SLIT2: variants seen among roughly 807,000 people sequenced by gnomAD.
SLIT2 encodes slit guidance ligand 2, also known as slit homolog 2 protein.
A neutral mutation model predicts 185.7 loss-of-function variants in SLIT2; 41 were observed. That is an observed-to-expected ratio of 0.22 (90% confidence interval 0.17 to 0.29). The LOEUF is 0.29. Among genes scored for constraint, SLIT2 ranks in the 10% least tolerant of loss-of-function variants. The pLI is 1.00. For missense variants in SLIT2, 1,571 were observed against 1,909.0 expected, an observed-to-expected ratio of 0.82 and a Z score of 3.30; for synonymous variants, 693 against 680.2, an observed-to-expected ratio of 1.02 and a Z score of -0.29.
At chr4:20,312,295 A>G (rs1718180266) in intron 4 of SLIT2, among the ~76,000 whole-genome samples, 1 of 152,206 alleles carries the variant, frequency 6.6e-6, no homozygotes, top group South Asian at 2.1e-4. Context: ...GTGTGAGATA[A>G]TTATAATCAA....
intron 29 of SLIT2, among the ~76,000 whole-genome samples, chr4:20,583,986 G>T (rs963679976): frequency 6.6e-6 from 1 of 151,960 alleles, no homozygotes; most frequent in Non-Finnish European, 1.5e-5. Context: ...ACCACAGGGG[G>T]CTCTGAACAT....
At chr4:20,414,733 A>G (rs1005632505) in intron 4 of SLIT2, among the ~76,000 whole-genome samples, 2 of 152,120 alleles carry the variant, frequency 1.3e-5, no homozygotes, top group South Asian at 4.1e-4. Flanking sequence ...TGAGAAGTAA[A>G]CTATTAATAT....
At chr4:20,465,365 G>A (rs1441631347) in intron 4 of SLIT2, among the ~76,000 whole-genome samples, 1 of 152,094 alleles carries the variant, frequency 6.6e-6, no homozygotes, top group Non-Finnish European at 1.5e-5. Flanking sequence ...TTTAAGTAAG[G>A]GAATAATTTC....
At chr4:20,294,396 G>A (rs886566833) in intron 4 of SLIT2, among the ~76,000 whole-genome samples, 1 of 151,856 alleles carries the variant, frequency 6.6e-6, no homozygotes. Flanking sequence ...GTTGTGCTGG[G>A]CACTATATAA....
rs1048927009 is a variant in SLIT2 at position 20,528,287 on chromosome 4, C to T, written c.1463-662C>T. On this transcript the variant is annotated intron_variant, in intron 15 of 36. Coordinates refer to ENST00000504154, the MANE Select transcript of SLIT2 (RefSeq NM_004787.4). This position sits in a 1 kb window ranked among gnomAD's most constrained non-coding sequence, Gnocchi z 4.2. The stretch of plus-strand genomic sequence containing the variant: ...AGTGGTTGGTGTAGTGATAATGTAG[C>T]GAGATTTTCTGTTGTGCTTGATCTA... 1 of 534,576 alleles carries T rather than the reference C, an allele frequency of 1.9e-6. No individual in the cohort carries two copies. Among genetic ancestry groups the T allele is most frequent in the Non-Finnish European group, 3.8e-6 (1 of 260,054 alleles). 33.1% of individuals were successfully genotyped at this position (534,576 alleles called of 1,614,324 possible).
At chr4:20,333,794 T>G (rs1720263893) in intron 4 of SLIT2, among the ~76,000 whole-genome samples, 1 of 152,196 alleles carries the variant, frequency 6.6e-6, no homozygotes, top group Admixed American at 6.5e-5. Flanking sequence ...TGTATTGCTT[T>G]TATTTCATGT....
intron 4 of SLIT2, among the ~76,000 whole-genome samples, chr4:20,448,295 A>G (rs1712047830): frequency 6.6e-6 from 1 of 151,944 alleles, no homozygotes; most frequent in African/African-American, 2.4e-5. Flanking sequence ...TAATATTATT[A>G]TTATTTATGA....
chr4:20,269,534 G>A (rs573993344), intron 4 of SLIT2, among the ~76,000 whole-genome samples: 2 of 151,994 alleles, frequency 1.3e-5, no homozygotes, highest in Admixed American at 6.6e-5. Context: ...GACCTAATGT[G>A]TAATAGTGAA....
intron 4 of SLIT2, among the ~76,000 whole-genome samples, chr4:20,310,196 A>G (rs912649086): frequency 5.9e-5 from 9 of 152,092 alleles, no homozygotes; most frequent in Non-Finnish European, 2.9e-5. Flanking sequence ...CTCATTGTAC[A>G]CATGCTTTCT....
intron 9 of SLIT2, among the ~76,000 whole-genome samples, chr4:20,504,992 A>G (rs948216567): frequency 1.3e-5 from 2 of 152,134 alleles, no homozygotes; most frequent in Non-Finnish European, 2.9e-5. Context: ...GGTTTCAGAC[A>G]TTCAGGGGGT....
At chr4:20,343,300 A>G (rs1056580799) in intron 4 of SLIT2, among the ~76,000 whole-genome samples, 2 of 152,138 alleles carry the variant, frequency 1.3e-5, no homozygotes, top group Non-Finnish European at 2.9e-5. Flanking sequence ...TAGCTCCCAC[A>G]TATAAATGAG....
chr4:20,364,002 G>A (rs571258870), intron 4 of SLIT2, among the ~76,000 whole-genome samples: 1 of 152,170 alleles, frequency 6.6e-6, no homozygotes, highest in South Asian at 2.1e-4. Flanking sequence ...AATAGGAAAA[G>A]TTATTTTCTT....
At chr4:20,378,786 C>A (rs781604069) in intron 4 of SLIT2, among the ~76,000 whole-genome samples, 3 of 152,104 alleles carry the variant, frequency 2.0e-5, no homozygotes, top group African/African-American at 4.8e-5. Flanking sequence ...CACCTGCATA[C>A]ATATATTTAA....
chr4:20,417,772 C>G lies in SLIT2; in HGVS notation c.396-49980C>G, dbSNP rs145591483. 9.2e-3 allele frequency among the ~76,000 whole-genome samples: 1,394 copies of G among 151,992 alleles called. 14 individuals carry two copies. Among genetic ancestry groups the G allele is most frequent in the Non-Finnish European group, 0.015 (1,026 of 67,964 alleles). On this transcript the variant is annotated intron_variant, in intron 4 of 36. Transcript: ENST00000504154. ...TGAGCTTGTGATCCGCCCGCCTCAGCCTCCCAAAGTGCTGGGATTACAGCC... is the reference window on the plus strand; with the variant it reads ...TGAGCTTGTGATCCGCCCGCCTCAGGCTCCCAAAGTGCTGGGATTACAGCC...
intron 10 of SLIT2, among the ~76,000 whole-genome samples, 165 bp downstream of exon 10, chr4:20,510,731 C>T (rs1719623654): frequency 6.6e-6 from 1 of 152,034 alleles, no homozygotes. Flanking sequence ...ATCTTAATAT[C>T]TAAACTATGT....
At chr4:20,592,057 G>A (rs966806524) in intron 30 of SLIT2, among the ~76,000 whole-genome samples, 3 of 152,156 alleles carry the variant, frequency 2.0e-5, no homozygotes, top group African/African-American at 4.8e-5. Context: ...GTCAGTGTGT[G>A]TGCTGTTACT....
At chr4:20,299,742 T>C (rs893427463) in intron 4 of SLIT2, among the ~76,000 whole-genome samples, 4 of 151,926 alleles carry the variant, frequency 2.6e-5, no homozygotes, top group Non-Finnish European at 5.9e-5. Context: ...GCCAATTCCA[T>C]ATTCTATTGA....
chr4:20,419,667 C>CTGTGTGTGTGTGTGTGTGTG (rs55679047), intron 4 of SLIT2, among the ~76,000 whole-genome samples: 9 of 138,084 alleles, frequency 6.5e-5, no homozygotes, highest in African/African-American at 2.5e-4. Context: ...AAGTTTTAAG[C>CTGTGTGTGTGTGTGTGTGTG]TGTGTGTGTG....
chr4:20,426,297 T>C (rs1171811716), intron 4 of SLIT2, among the ~76,000 whole-genome samples: 1 of 152,080 alleles, frequency 6.6e-6, no homozygotes, highest in Non-Finnish European at 1.5e-5. Context: ...GGAGGCAGCA[T>C]AGAAGGGGAA....
Sources: gnomAD v4.1 joint callset for allele counts (sites outside exome capture counted in the v4.1 genomes callset) on GRCh38, gnomAD v4.1.1 for gene constraint, Gnocchi (gnomAD v3.1) non-coding constraint, MANE v1.5 for transcripts, NCBI Gene and HGNC (gene_info 2026-07-23, HGNC 2026-07-21) for gene names.